The following SLC13A4 variants were observed in gnomAD, a reference collection of about 807,000 sequenced individuals.
SLC13A4 encodes solute carrier family 13 member 4.
A neutral mutation model predicts 72.7 loss-of-function variants in SLC13A4; 28 were observed. The observed-to-expected ratio is 0.39, with a 90% CI of 0.29 to 0.53. The LOEUF is 0.53. SLC13A4 is among the 20% of genes least tolerant of loss of function. The pLI, the probability that SLC13A4 is intolerant of heterozygous loss-of-function variation, is 0.78. For missense variants in SLC13A4, 653 were observed against 788.0 expected (o/e 0.83, Z 2.05); for synonymous variants, 312 against 325.5 (o/e 0.96, Z 0.45).
chr7:135,716,893 C>T (rs1034945599), intron 2 of SLC13A4, among the ~76,000 whole-genome samples: 1 of 152,220 alleles, frequency 6.6e-6, no homozygotes, highest in African/African-American at 2.4e-5. Context: ...AATTTGGCAG[C>T]CACGTTGGAC....
chr7:135,727,908 A>T lies in SLC13A4; in HGVS notation c.-412T>A, dbSNP rs560976807. The T allele has an allele frequency of 3.7e-5, 6 of 161,616 alleles. No individual in the cohort carries two copies. The highest frequency in any genetic ancestry group is 6.7e-5 in the Non-Finnish European group (5 of 74,540). 10.0% of individuals were successfully genotyped at this position (161,616 alleles called of 1,614,324 possible). ...ATCATTTAAAAGCTTAAAAACATTA[A>T]AAACGCTCAGAGCACATTGTGCTCT... On this transcript the variant is annotated 5_prime_UTR_variant, in exon 1 of 16. Coordinates refer to ENST00000682651, the MANE Select transcript of SLC13A4 (RefSeq NM_001318192.2).
chr7:135,708,968 C>T (rs1392875824), intron 2 of SLC13A4, among the ~76,000 whole-genome samples: 42 of 128,372 alleles, frequency 3.3e-4, no homozygotes, highest in African/African-American at 1.2e-3. Context: ...CTCGCTCTGT[C>T]GCCCAGGCTG....
At chr7:135,687,669 C>T (rs905196219) in intron 13 of SLC13A4, among the ~76,000 whole-genome samples, 8 of 152,172 alleles carry the variant, frequency 5.3e-5, no homozygotes, top group Non-Finnish European at 8.8e-5. Context: ...TTTAATTGTT[C>T]CCTCTGGTAA....
intron 7 of SLC13A4, among the ~76,000 whole-genome samples, chr7:135,700,359 C>T (rs2129494444): frequency 6.6e-6 from 1 of 152,284 alleles, no homozygotes; most frequent in East Asian, 1.9e-4. Context: ...CACCTGGCCA[C>T]CTTCACTGAT....
intron 5 of SLC13A4, 44 bp downstream of exon 5, chr7:135,705,552 T>C (rs753462062): frequency 6.3e-7 from 1 of 1,591,192 alleles, no homozygotes; most frequent in South Asian, 1.1e-5. Context: ...ACCTCCCCTA[T>C]GGACTCTGAG....
intron 1 of SLC13A4, among the ~76,000 whole-genome samples, chr7:135,724,811 G>C (rs1037810236): frequency 6.6e-6 from 1 of 152,076 alleles, no homozygotes; most frequent in Non-Finnish European, 1.5e-5. Context: ...TTTCACCCAT[G>C]GAATCTCCAT....
In SLC13A4 at chr7:135,721,380, T is replaced by A; in HGVS notation, c.228+15A>T. 1.2e-6 allele frequency: 2 copies of A among 1,613,458 alleles called. No individual in the cohort carries two copies. The highest frequency in any genetic ancestry group is 1.7e-6 in the Non-Finnish European group (2 of 1,179,610). The stretch of plus-strand genomic sequence containing the variant: ...CAGGGACCCAGGCAGGGGGTGGGGC[T>A]ACAAGTAGTCTAACCTCATTGGACC... On this transcript the variant is annotated intron_variant, in intron 2 of 15. Transcript: ENST00000682651.
intron 15 of SLC13A4, among the ~76,000 whole-genome samples, 153 bp downstream of exon 15, chr7:135,683,971 C>T (rs1795563061): frequency 6.6e-6 from 1 of 152,154 alleles, no homozygotes; most frequent in African/African-American, 2.4e-5. Context: ...CAACAAAAAC[C>T]TTTTTATAGG....
At chr7:135,707,123 G>A (rs1322990164) in intron 3 of SLC13A4, among the ~76,000 whole-genome samples, 2 of 152,194 alleles carry the variant, frequency 1.3e-5, no homozygotes, top group Non-Finnish European at 2.9e-5. Flanking sequence ...TGCCAATTCT[G>A]TACCTACACG....
intron 7 of SLC13A4, 140 bp downstream of exon 7, chr7:135,701,540 G>C (rs1239653815): frequency 2.5e-6 from 2 of 813,648 alleles, no homozygotes; most frequent in South Asian, 3.1e-5. Flanking sequence ...GCGCACACAG[G>C]CCAGACATGT....
At position 135,697,460 on chromosome 7, in the gene SLC13A4, C is replaced by T. The variant is rs188368699; in HGVS notation, c.899+1904G>A. ...CCCAGCAAGTGACCTCTGAGTTTCC[C>T]TTAAACCTGACTGTTCCTCCTCCCC... is the stretch of plus-strand genomic sequence containing the variant. On this transcript the variant is annotated intron_variant, in intron 8 of 15. Transcript: ENST00000682651. 3.8e-3 allele frequency among the ~76,000 whole-genome samples: 573 copies of T among 152,270 alleles called. 5 individuals are homozygous for T. Among genetic ancestry groups the T allele is most frequent in the African/African-American group, 0.013 (542 of 41,542 alleles).
At chr7:135,711,353 G>A (rs1796297046) in intron 2 of SLC13A4, among the ~76,000 whole-genome samples, 1 of 152,150 alleles carries the variant, frequency 6.6e-6, no homozygotes, top group South Asian at 2.1e-4. Context: ...GTTTGGCTGT[G>A]ATGGCCTTTT....
At chr7:135,725,916 C>A (rs1286125227) in intron 1 of SLC13A4, among the ~76,000 whole-genome samples, 5 of 152,172 alleles carry the variant, frequency 3.3e-5, no homozygotes, top group Non-Finnish European at 7.3e-5. Flanking sequence ...CTGCAGTGAG[C>A]TACGATTGTG....
At chr7:135,683,761 G>T in intron 15 of SLC13A4, 3 of 985,374 alleles carry the variant, frequency 3.0e-6, no homozygotes, top group Non-Finnish European at 3.6e-6. Flanking sequence ...CTCATCTTCT[G>T]TGAATAAACC....
intron 3 of SLC13A4, among the ~76,000 whole-genome samples, chr7:135,706,692 C>T (rs187671657): frequency 4.6e-5 from 7 of 152,290 alleles, no homozygotes; most frequent in Non-Finnish European, 1.0e-4. Context: ...CCCTCGCAGC[C>T]AGCAATTCTG....
rs528989040 is a variant in SLC13A4 at position 135,725,608 on chromosome 7, C to A, written c.99+1790G>T. Among the ~76,000 whole-genome samples, 7 of 152,288 alleles carry A rather than the reference C, an allele frequency of 4.6e-5. No homozygotes were observed. The South Asian group carries it at 1.5e-3, about 32-fold the overall frequency. The stretch of plus-strand genomic sequence containing the variant: ...GAGCTCCTGCCCAGGTACTCCATCA[C>A]TGCTCTCAACTCCAGTCCAGAGCAA... On this transcript the variant is annotated intron_variant, in intron 1 of 15. Coordinates refer to ENST00000682651, the MANE Select transcript of SLC13A4 (RefSeq NM_001318192.2).
chr7:135,695,780 A>T (rs1192130432), intron 8 of SLC13A4, among the ~76,000 whole-genome samples: 1 of 152,224 alleles, frequency 6.6e-6, no homozygotes, highest in Non-Finnish European at 1.5e-5. Flanking sequence ...GTTTGCCCTT[A>T]AAGATTCTGC....
chr7:135,687,755 A>G (rs1463601504), intron 13 of SLC13A4, among the ~76,000 whole-genome samples: 5 of 118,634 alleles, frequency 4.2e-5, no homozygotes, highest in Non-Finnish European at 6.8e-5. Context: ...ACATTATATA[A>G]AGAGATGGAG....
intron 2 of SLC13A4, among the ~76,000 whole-genome samples, chr7:135,720,556 A>G (rs1396457924): frequency 4.2e-5 from 1 of 23,570 alleles, no homozygotes; most frequent in Non-Finnish European, 1.1e-4. Context: ...TTTTTCATTA[A>G]AAAAAAAAAA....
Sources: gnomAD v4.1 joint callset for allele counts (sites outside exome capture counted in the v4.1 genomes callset) on GRCh38, gnomAD v4.1.1 for gene constraint, MANE v1.5 for transcripts, NCBI Gene and HGNC (gene_info 2026-07-23, HGNC 2026-07-21) for gene names.